The following GABRB1 variants were observed in gnomAD, a reference collection of about 807,000 sequenced individuals.
GABRB1 encodes the protein gamma-aminobutyric acid type A receptor subunit beta1.
Under a neutral mutation model 51.6 loss-of-function variants are expected in GABRB1, and 17 were observed. That is an observed-to-expected ratio of 0.33 (90% CI 0.23 to 0.49). GABRB1 has a LOEUF of 0.49. Among genes scored for constraint, GABRB1 ranks in the 20% least tolerant of loss-of-function variants. The pLI, the probability that GABRB1 is intolerant of heterozygous loss-of-function variation, is 0.99. For synonymous variants in GABRB1, 247 were observed against 218.9 expected (o/e 1.13, Z -1.14); for missense variants, 410 against 600.6 (o/e 0.68, Z 3.32).
intron 4 of GABRB1, among the ~76,000 whole-genome samples, chr4:47,290,103 G>T (rs1210335623): frequency 6.6e-6 from 1 of 152,230 alleles, no homozygotes; most frequent in East Asian, 1.9e-4. Context: ...AGATTAGTTA[G>T]ATTCAAATTA....
chr4:47,064,014 A>G (rs945573140), intron 3 of GABRB1, among the ~76,000 whole-genome samples: 4 of 152,310 alleles, frequency 2.6e-5, no homozygotes, highest in Admixed American at 6.5e-5. Context: ...AAAACTGCGC[A>G]TCCTGCACAC....
At chr4:47,065,232 G>T (rs1727026027) in intron 3 of GABRB1, among the ~76,000 whole-genome samples, 1 of 152,204 alleles carries the variant, frequency 6.6e-6, no homozygotes, top group African/African-American at 2.4e-5. Context: ...AGTGTGCAAT[G>T]CTGCCTCAAA....
intron 8 of GABRB1, among the ~76,000 whole-genome samples, chr4:47,419,760 C>T (rs1448254338): frequency 6.6e-6 from 1 of 152,184 alleles, no homozygotes; most frequent in Admixed American, 6.5e-5. Context: ...CTACTATTAA[C>T]ATTTTAAATG....
chr4:47,377,432 T>C (rs1727425872), intron 5 of GABRB1, among the ~76,000 whole-genome samples: 1 of 151,832 alleles, frequency 6.6e-6, no homozygotes, highest in South Asian at 2.1e-4. Flanking sequence ...TCTGGTGGGG[T>C]TCGTGGTCTC....
chr4:47,425,945 A>G lies in GABRB1; in HGVS notation c.1352A>G (p.Lys451Arg). 6.2e-7 allele frequency: 1 copy of G among 1,613,586 alleles called. No homozygotes were observed. Among genetic ancestry groups the G allele is most frequent in the Non-Finnish European group, 8.5e-7 (1 of 1,179,604 alleles). The part of the protein sequence containing the change: ...PDLTDVNSID[K>R]WSRMFFPITF... ...TTGACTGATGTGAATTCCATAGACA[A>G]GTGGTCCCGAATGTTTTTCCCCATC... Residue 451 changes from lysine (K) to arginine (R), a missense_variant, in exon 9 of 9, where the codon AAG (lysine) becomes AGG (arginine). Coordinates refer to ENST00000295454, the MANE Select transcript of GABRB1 (RefSeq NM_000812.4).
At chr4:47,207,032 A>C (rs974383503) in intron 4 of GABRB1, among the ~76,000 whole-genome samples, 1 of 152,042 alleles carries the variant, frequency 6.6e-6, no homozygotes, top group Non-Finnish European at 1.5e-5. Context: ...AGCAATCTGT[A>C]GTACTTGGAG....
intron 4 of GABRB1, among the ~76,000 whole-genome samples, chr4:47,246,299 T>TATATATATACACACACACAC (rs1329276891): frequency 1.2e-5 from 1 of 84,170 alleles, no homozygotes; most frequent in African/African-American, 4.7e-5. Context: ...TATATATATA[T>TATATATATACACACACACAC]ACACACACAC....
At chr4:47,366,373 A>G (rs1726982345) in intron 5 of GABRB1, among the ~76,000 whole-genome samples, 1 of 152,184 alleles carries the variant, frequency 6.6e-6, no homozygotes, top group Non-Finnish European at 1.5e-5. Context: ...TATTCCAAAC[A>G]CAATTCTTAG....
intron 4 of GABRB1, among the ~76,000 whole-genome samples, chr4:47,184,136 G>A (rs1719069005): frequency 6.6e-6 from 1 of 151,798 alleles, no homozygotes; most frequent in South Asian, 2.1e-4. Flanking sequence ...CTAATAATCT[G>A]CTTCTTTTGT....
At chr4:47,211,446 G>C (rs1720354293) in intron 4 of GABRB1, among the ~76,000 whole-genome samples, 1 of 152,128 alleles carries the variant, frequency 6.6e-6, no homozygotes, top group South Asian at 2.1e-4. Flanking sequence ...GAAACTCATA[G>C]ATGTTTCTGT....
intron 5 of GABRB1, among the ~76,000 whole-genome samples, chr4:47,356,584 C>T (rs936047218): frequency 9.2e-5 from 14 of 152,076 alleles, no homozygotes; most frequent in Non-Finnish European, 1.9e-4. Context: ...AAGTATGTAC[C>T]GTAGGTAAAA....
intron 8 of GABRB1, among the ~76,000 whole-genome samples, chr4:47,409,699 G>A (rs539966259): frequency 4.6e-4 from 70 of 152,164 alleles, no homozygotes; most frequent in Non-Finnish European, 7.5e-4. Context: ...CTTTGCCGGG[G>A]AACTACCCCC....
intron 4 of GABRB1, among the ~76,000 whole-genome samples, chr4:47,263,889 G>A (rs1175947263): frequency 6.6e-6 from 1 of 152,006 alleles, no homozygotes; most frequent in Non-Finnish European, 1.5e-5. Flanking sequence ...GTTCACACTT[G>A]TAATCCCAGC....
intron 4 of GABRB1, among the ~76,000 whole-genome samples, chr4:47,171,306 G>GA (rs1399134426): frequency 6.0e-5 from 9 of 150,350 alleles, no homozygotes; most frequent in African/African-American, 1.9e-4. Context: ...AAGAATGTAA[G>GA]AAAAAAAGGA....
At chr4:47,001,234 C>G (rs963440636) in intron 1 of GABRB1, among the ~76,000 whole-genome samples, 4 of 152,124 alleles carry the variant, frequency 2.6e-5, no homozygotes, top group Non-Finnish European at 5.9e-5. Context: ...GCTCCGCCTC[C>G]CGGGTTCACG....
chr4:47,269,379 T>C (rs1722766085), intron 4 of GABRB1, among the ~76,000 whole-genome samples: 2 of 152,208 alleles, frequency 1.3e-5, no homozygotes. Flanking sequence ...ATTGGGACGT[T>C]TAACAAAACA....
intron 5 of GABRB1, among the ~76,000 whole-genome samples, chr4:47,351,807 CATT>C (rs1297364001): frequency 7.9e-5 from 12 of 151,546 alleles, no homozygotes; most frequent in Admixed American, 5.9e-4. Context: ...TCCACTCTAT[CATT>C]GTTGGACATT....
intron 4 of GABRB1, among the ~76,000 whole-genome samples, chr4:47,306,945 G>T (rs1336991353): frequency 6.6e-6 from 1 of 152,078 alleles, no homozygotes; most frequent in South Asian, 2.1e-4. Flanking sequence ...CTCTACTTAC[G>T]TTTCCTTGTG....
At chr4:47,346,047 C>CCAAAA (rs1726076743) in intron 5 of GABRB1, among the ~76,000 whole-genome samples, 1 of 142,860 alleles carries the variant, frequency 7.0e-6, no homozygotes, top group South Asian at 2.2e-4. Flanking sequence ...TTGAAAATGG[C>CCAAAA]AAAAAAAAAA....
Sources: allele counts gnomAD v4.1 joint callset (sites outside exome capture counted in the v4.1 genomes callset), GRCh38; gene constraint gnomAD v4.1.1; transcripts MANE v1.5; gene names NCBI Gene and HGNC (gene_info 2026-07-23, HGNC 2026-07-21).